Variants in BCLAF1 observed in about 807,000 individuals in gnomAD.
The protein encoded by BCLAF1 is bcl-2-associated transcription factor 1.
BCLAF1 carries 10 observed loss-of-function variants against 99.5 expected under a neutral mutation model. The ratio of observed to expected loss-of-function variants is 0.10; its 90% CI spans 0.06 to 0.17. BCLAF1 has a LOEUF of 0.17. BCLAF1 is among the 10% of genes least tolerant of loss of function. The pLI, the probability that BCLAF1 is intolerant of heterozygous loss-of-function variation, is 1.00. For missense variants in BCLAF1, 636 were observed against 1,105.8 expected, an observed-to-expected ratio of 0.58 and a Z score of 6.02; for synonymous variants, 255 against 370.9, an observed-to-expected ratio of 0.69 and a Z score of 3.59.
chr6:136,267,920 G>A (rs995751028), intron 10 of BCLAF1, among the ~76,000 whole-genome samples: 3 of 151,810 alleles, frequency 2.0e-5, no homozygotes, highest in Admixed American at 2.0e-4. Flanking sequence ...TTAAGGACTA[G>A]GTACAGTTAT....
rs768616860 is a variant in BCLAF1 at position 136,278,598 on chromosome 6, G to T, written c.283C>A (p.Pro95Thr). Residue 95 changes from proline to threonine, a missense_variant, in exon 4 of 13, where the codon CCT (proline) becomes ACT (threonine). Physicochemically the swap from Pro to Thr is conservative, Grantham distance 38. Coordinates refer to ENST00000531224, the MANE Select transcript of BCLAF1 (RefSeq NM_014739.3). ...GGRYHRGGYR[P>T]VWNRRHSRSP... ...CTAGAGTGCCTTCTATTCCAGACAG[G>T]TCTATAACCACCTCGATGATATCTA... 1 of 1,610,664 alleles carries T rather than the reference G, an allele frequency of 6.2e-7. No individual in the cohort carries two copies. The highest frequency in any genetic ancestry group is 2.2e-5 in the East Asian group (1 of 44,838).
At chr6:136,266,185 G>C (rs868659653) in intron 11 of BCLAF1, among the ~76,000 whole-genome samples, 1 of 152,000 alleles carries the variant, frequency 6.6e-6, no homozygotes, top group African/African-American at 2.4e-5. Flanking sequence ...GTATGTCATG[G>C]ACATTCAGGT....
intron 7 of BCLAF1, 24 bp from the exon 8 acceptor site, chr6:136,272,103 T>G: frequency 6.7e-7 from 1 of 1,486,528 alleles, no homozygotes; most frequent in Non-Finnish European, 9.2e-7. Context: ...AAAATATATT[T>G]TTAGTCATAT....
chr6:136,260,599 G>A lies in BCLAF1; in HGVS notation c.*511C>T, dbSNP rs1780835461. 1 of 154,898 alleles carries A rather than the reference G, an allele frequency of 6.5e-6. No individual in the cohort carries two copies. Among genetic ancestry groups the A allele is most frequent in the Admixed American group, 6.6e-5 (1 of 15,246 alleles). The allele number at this position is 154,898 out of a possible 1,614,324, so 9.6% of individuals were successfully genotyped here. A position where few individuals can be genotyped will look rare whatever the true frequency, so the allele number is the denominator to read the frequency against. The stretch of plus-strand genomic sequence containing the variant: ...TGTTAAACTAGCTTAGTTTACCATA[G>A]TAACAACTTTTTGTCTGTGGTATAC... On this transcript the variant is annotated 3_prime_UTR_variant, in exon 13 of 13. Coordinates refer to ENST00000531224, the MANE Select transcript of BCLAF1 (RefSeq NM_014739.3).
chr6:136,273,272 G>T, intron 6 of BCLAF1, 85 bp from the exon 7 acceptor site: 1 of 1,148,380 alleles, frequency 8.7e-7, no homozygotes, highest in Non-Finnish European at 1.3e-6. Context: ...TGTAGCAGGT[G>T]AAAAGAAAAT....
chr6:136,283,204 A>G (rs970016407), intron 1 of BCLAF1, among the ~76,000 whole-genome samples: 2 of 142,762 alleles, frequency 1.4e-5, no homozygotes, highest in Non-Finnish European at 3.1e-5. Context: ...AAAAAAAAAA[A>G]GGTAATCTGT....
chr6:136,284,130 G>GTATGTATATATATATATATA (rs1554220651), intron 1 of BCLAF1, among the ~76,000 whole-genome samples: 1 of 122,120 alleles, frequency 8.2e-6, no homozygotes, highest in African/African-American at 4.1e-5. Flanking sequence ...GTGTGTGTGT[G>GTATGTATATATATATATATA]TATATATATA....
At position 136,260,903 on chromosome 6, in the gene BCLAF1, A is replaced by G. The variant is rs1052509152; in HGVS notation, c.*207T>C. 20 of 535,176 alleles carry G rather than the reference A, an allele frequency of 3.7e-5. No individual in the cohort carries two copies. The African/African-American group carries it at 4.0e-4, about 11-fold the overall frequency. 33.2% of individuals were successfully genotyped at this position (535,176 alleles called of 1,614,324 possible). A position where few individuals can be genotyped will look rare whatever the true frequency, so the allele number is the denominator to read the frequency against. On this transcript the variant is annotated 3_prime_UTR_variant, in exon 13 of 13. Transcript: ENST00000531224. ...TTGATAGTTACAAATATGGTACGTA[A>G]CAATTTTCTACTTTATTTCAGTACA...
In BCLAF1 at chr6:136,258,864, C is replaced by T. The variant is rs1323436014; in HGVS notation, c.*2246G>A. ...TACACACCTAAAGAGTCATGGCCTT[C>T]TTAAACAGCTTTCTTAATCCTTTCT... On this transcript the variant is annotated 3_prime_UTR_variant, in exon 13 of 13. Coordinates refer to ENST00000531224, the MANE Select transcript of BCLAF1 (RefSeq NM_014739.3). 6.6e-6 allele frequency: 1 copy of T among 152,458 alleles called. No individual in the cohort carries two copies. The highest frequency in any genetic ancestry group is 1.5e-5 in the Non-Finnish European group (1 of 67,886). The allele number at this position is 152,458 out of a possible 1,614,324, so 9.4% of individuals were successfully genotyped here.
At position 136,283,094 on chromosome 6, in the gene BCLAF1, T is replaced by C. The variant is rs79421927; in HGVS notation, c.-114-407A>G. On this transcript the variant is annotated intron_variant, in intron 1 of 12. Coordinates refer to ENST00000531224, the MANE Select transcript of BCLAF1 (RefSeq NM_014739.3). The stretch of plus-strand genomic sequence containing the variant: ...AGAAGGATCACTTGAGCCCAGGAGT[T>C]TGACACTGCAATGCACTGTGATCAC... Among the ~76,000 whole-genome samples, 1,079 of 150,028 alleles carry C rather than the reference T, an allele frequency of 7.2e-3. 6 individuals carry two copies. The highest frequency in any genetic ancestry group is 0.011 in the Non-Finnish European group (722 of 67,800).
intron 8 of BCLAF1, among the ~76,000 whole-genome samples, chr6:136,270,821 T>C (rs1782409052): frequency 6.6e-6 from 1 of 151,874 alleles, no homozygotes. Flanking sequence ...GGAGAGAAGA[T>C]ACTCACTGTC....
Position 136,278,420 on chromosome 6 carries a change from G to A in BCLAF1, c.461C>T (p.Pro154Leu). Residue 154 changes from proline (P) to leucine (L), a missense_variant, in exon 4 of 13, where the codon CCT (proline) becomes CTT (leucine). Coordinates refer to ENST00000531224, the MANE Select transcript of BCLAF1 (RefSeq NM_014739.3). The stretch of plus-strand genomic sequence containing the variant: ...CTGAGACCCTCGTCTTTTAGAAACA[G>A]GAGATTTGCTATATGGGGATGAAGA... ...SRSSSPYSKSPVSKRRGSQEK... is the reference protein window; with the variant it reads ...SRSSSPYSKSLVSKRRGSQEK... The A allele has an allele frequency of 6.2e-7, 1 of 1,610,218 alleles. No individual in the cohort carries two copies. Among genetic ancestry groups the A allele is most frequent in the Non-Finnish European group, 8.5e-7 (1 of 1,178,428 alleles).
In BCLAF1 at chr6:136,276,103, T is replaced by G; in HGVS notation, c.1422A>C (p.Thr474=). 2 of 1,610,370 alleles carry G rather than the reference T, an allele frequency of 1.2e-6. No individual in the cohort carries two copies. The highest frequency in any genetic ancestry group is 8.5e-7 in the Non-Finnish European group (1 of 1,179,172). Residue 474 remains threonine (T), a synonymous_variant, in exon 5 of 13, where the codon ACA becomes ACC. Transcript: ENST00000531224. The part of the protein sequence containing the change: ...TGYVVERPST[T]KDKHKEEDKN... ...TGTCTTCTTCTTTGTGCTTATCTTTTGTAGTGCTAGGCCTTTCCACTACAT... is the reference window on the plus strand; with the variant it reads ...TGTCTTCTTCTTTGTGCTTATCTTTGGTAGTGCTAGGCCTTTCCACTACAT...
intron 1 of BCLAF1, among the ~76,000 whole-genome samples, chr6:136,284,130 G>GTGTGTATATATATATATATA (rs36141174): frequency 3.5e-4 from 43 of 122,094 alleles, no homozygotes; most frequent in African/African-American, 1.7e-3. Context: ...GTGTGTGTGT[G>GTGTGTATATATATATATATA]TATATATATA....
intron 7 of BCLAF1, 23 bp downstream of exon 7, chr6:136,273,059 T>C (rs1392087029): frequency 5.1e-6 from 8 of 1,563,216 alleles, no homozygotes; most frequent in East Asian, 2.2e-5. Flanking sequence ...CGTTTTTATA[T>C]GCCAGTTCAG....
rs764206115 is a variant in BCLAF1, at chr6:136,268,195, G to C, written c.2364C>G (p.Gly788=). 1 of 1,555,350 alleles carries C rather than the reference G, an allele frequency of 6.4e-7. No homozygotes were observed. Among genetic ancestry groups the C allele is most frequent in the African/African-American group, 1.4e-5 (1 of 72,114 alleles). ...CTCGTGGTCGGCTAACTCCTGCAAA[G>C]CCTGAGTATTCTTTCATTTCATGGT... ...KTHHEMKEYS[G]FAGVSRPRGT... is the part of the protein sequence containing the mutation. Residue 788 remains glycine, a synonymous_variant, in exon 10 of 13, where the codon GGC becomes GGG. Coordinates refer to ENST00000531224, the MANE Select transcript of BCLAF1 (RefSeq NM_014739.3).
intron 11 of BCLAF1, among the ~76,000 whole-genome samples, chr6:136,265,388 T>G (rs1781578079): frequency 6.6e-6 from 1 of 152,198 alleles, no homozygotes; most frequent in Admixed American, 6.5e-5. Flanking sequence ...CCTACAGATT[T>G]AGATTCCTTC....
intron 1 of BCLAF1, among the ~76,000 whole-genome samples, chr6:136,286,987 G>A (rs1055861800): frequency 2.0e-5 from 3 of 150,388 alleles, no homozygotes; most frequent in Non-Finnish European, 3.0e-5. Context: ...AAAACTAGCC[G>A]GCCTTTGTGG....
chr6:136,275,802 A>C (rs771448509), intron 5 of BCLAF1, 41 bp downstream of exon 5: 16 of 1,585,158 alleles, frequency 1.0e-5, no homozygotes, highest in Middle Eastern at 1.7e-4. Context: ...TGGAATACTG[A>C]CTGCCCACAG....
Sources: gnomAD v4.1 joint callset for allele counts (sites outside exome capture counted in the v4.1 genomes callset) on GRCh38, gnomAD v4.1.1 for gene constraint, MANE v1.5 for transcripts, NCBI Gene and HGNC (gene_info 2026-07-23, HGNC 2026-07-21) for gene names.